The following UBL3 variants were observed in gnomAD, a reference collection of about 807,000 sequenced individuals.
The protein encoded by UBL3 is ubiquitin like 3.
Under a neutral mutation model 18.4 loss-of-function variants are expected in UBL3, and 6 were observed. The observed-to-expected ratio is 0.33, with a 90% CI of 0.18 to 0.64. The LOEUF (loss-of-function observed/expected upper bound fraction) is 0.64, where lower values mean the gene tolerates loss of function less well. Among genes scored for constraint, UBL3 ranks in the 30% least tolerant of loss-of-function variants. The probability of loss-of-function intolerance (pLI) is 0.76; values close to 1 mark genes in which losing one functional copy is unlikely to be tolerated. For missense variants in UBL3, 109 were observed against 142.9 expected (o/e 0.76, Z 1.21); for synonymous variants, 49 against 46.6 (o/e 1.05, Z -0.21).
At chr13:29,819,379 T>A (rs1000750032) in intron 1 of UBL3, among the ~76,000 whole-genome samples, 5 of 152,158 alleles carry the variant, frequency 3.3e-5, no homozygotes, top group Admixed American at 6.5e-5. Context: ...GCTATCCATA[T>A]CAGAAATCCT....
In UBL3 at chr13:29,849,920, A is replaced by C. The variant is rs535574266; in HGVS notation, c.-382T>G. On this transcript the variant is annotated 5_prime_UTR_variant, in exon 1 of 5. In the 5' UTR this introduces an upstream ATG that the reference lacks. Transcript: ENST00000380680. Reference sequence around the variant, plus strand: ...GCCTTCCTCCTTTCCCAGCCCCGGCAATGATTCACACTTGCTCCCGAGTCA... The same window carrying C: ...GCCTTCCTCCTTTCCCAGCCCCGGCCATGATTCACACTTGCTCCCGAGTCA... 1.7e-4 allele frequency: 64 copies of C among 369,458 alleles called. No homozygotes were observed. Among genetic ancestry groups the C allele is most frequent in the African/African-American group, 1.2e-3 (59 of 47,996 alleles). 22.9% of individuals were successfully genotyped at this position (369,458 alleles called of 1,614,324 possible).
chr13:29,834,771 T>G (rs544325843), intron 1 of UBL3, among the ~76,000 whole-genome samples: 20 of 151,976 alleles, frequency 1.3e-4, no homozygotes, highest in Non-Finnish European at 2.8e-4. Flanking sequence ...TGAAGAATGG[T>G]CAAAAAGTTA....
intron 1 of UBL3, among the ~76,000 whole-genome samples, chr13:29,847,639 T>C (rs1025625018): frequency 2.6e-5 from 4 of 152,196 alleles, no homozygotes; most frequent in African/African-American, 7.2e-5. Context: ...TAATAACACA[T>C]CTATTTCATT....
At position 29,793,474 on chromosome 13, in the gene UBL3, T is replaced by C. The variant is rs569665720; in HGVS notation, c.28-16211A>G. ...AAGACAAGATAGAATTCCAAATAAATTGGTATAGGTATGGCAACCCTTTGA... is the reference window on the plus strand; with the variant it reads ...AAGACAAGATAGAATTCCAAATAAACTGGTATAGGTATGGCAACCCTTTGA... On this transcript the variant is annotated intron_variant, in intron 1 of 4. Coordinates refer to ENST00000380680, the MANE Select transcript of UBL3 (RefSeq NM_007106.4). Among the ~76,000 whole-genome samples the C allele has an allele frequency of 9.2e-5, 14 of 152,324 alleles. No homozygotes were observed. In the East Asian group the frequency reaches 2.5e-3, roughly 27 times the overall value.
At chr13:29,809,321 T>C (rs1565995825) in intron 1 of UBL3, among the ~76,000 whole-genome samples, 1 of 152,104 alleles carries the variant, frequency 6.6e-6, no homozygotes, top group African/African-American at 2.4e-5. Context: ...TAGAACAGTT[T>C]AGGCAGTGGG....
At chr13:29,769,799 C>T (rs540908331) in intron 3 of UBL3, among the ~76,000 whole-genome samples, 2 of 152,140 alleles carry the variant, frequency 1.3e-5, no homozygotes, top group South Asian at 2.1e-4. Context: ...TGTTTTAAGA[C>T]ATTTGATAAC....
chr13:29,834,762 G>A (rs1212920829), intron 1 of UBL3, among the ~76,000 whole-genome samples: 1 of 151,942 alleles, frequency 6.6e-6, no homozygotes, highest in African/African-American at 2.4e-5. Context: ...ATGACAAAGT[G>A]AAGAATGGTC....
At chr13:29,772,054 A>G in intron 3 of UBL3, 58 bp downstream of exon 3, 2 of 1,429,292 alleles carry the variant, frequency 1.4e-6, no homozygotes, top group Non-Finnish European at 1.9e-6. Context: ...CATTTAAAAC[A>G]AGCGAATCAT....
chr13:29,800,452 AT>A (rs1877731483), intron 1 of UBL3, among the ~76,000 whole-genome samples: 1 of 152,354 alleles, frequency 6.6e-6, no homozygotes, highest in Non-Finnish European at 1.5e-5. Flanking sequence ...GCTGTAAAAA[AT>A]ATTCCCTCTT....
intron 1 of UBL3, among the ~76,000 whole-genome samples, chr13:29,817,037 T>G (rs768688718): frequency 3.1e-4 from 47 of 152,198 alleles, no homozygotes; most frequent in Non-Finnish European, 6.0e-4. Context: ...ACCATGGCAG[T>G]GCTGCCATGC....
chr13:29,829,337 C>A (rs1387416820), intron 1 of UBL3, among the ~76,000 whole-genome samples: 1 of 152,216 alleles, frequency 6.6e-6, no homozygotes, highest in Non-Finnish European at 1.5e-5. Flanking sequence ...TGGGCTCCAG[C>A]CAGTTCAAGC....
At chr13:29,824,766 C>T (rs1166487182) in intron 1 of UBL3, among the ~76,000 whole-genome samples, 2 of 152,190 alleles carry the variant, frequency 1.3e-5, no homozygotes, top group Admixed American at 1.3e-4. Context: ...GTGTTTTAGA[C>T]ATGAAGTCCT....
At chr13:29,820,487 G>T (rs9551746) in intron 1 of UBL3, among the ~76,000 whole-genome samples, 8,850 of 152,088 alleles carry the variant, frequency 0.058, 367 homozygotes, top group East Asian at 0.17. Flanking sequence ...GAAGTCCTCA[G>T]ACTTTTTATA....
intron 1 of UBL3, among the ~76,000 whole-genome samples, chr13:29,837,945 T>G (rs1879000504): frequency 2.0e-5 from 3 of 149,684 alleles, no homozygotes; most frequent in Admixed American, 6.7e-5. Context: ...ATAATAATAA[T>G]TTTAGCTAAT....
intron 1 of UBL3, among the ~76,000 whole-genome samples, chr13:29,840,771 T>G (rs1190737020): frequency 6.6e-6 from 1 of 152,174 alleles, no homozygotes; most frequent in Non-Finnish European, 1.5e-5. Context: ...GGCACAGAGA[T>G]ATGTTTAAGA....
In UBL3 at chr13:29,842,672, C is replaced by T. The variant is rs1486718393; in HGVS notation, c.27+6840G>A. Among the ~76,000 whole-genome samples, 3 of 152,184 alleles carry T rather than the reference C, an allele frequency of 2.0e-5. No individual in the cohort carries two copies. In the East Asian group the frequency reaches 5.8e-4, roughly 29 times the overall value. On this transcript the variant is annotated intron_variant, in intron 1 of 4. Coordinates refer to ENST00000380680, the MANE Select transcript of UBL3 (RefSeq NM_007106.4). ...TATAATGTAAAATGCCAAGCATCTG[C>T]CTGGTACTAGAAAGTACACAACAAA...
chr13:29,794,527 A>G (rs749060680), intron 1 of UBL3, among the ~76,000 whole-genome samples: 4 of 152,228 alleles, frequency 2.6e-5, no homozygotes, highest in African/African-American at 7.2e-5. Context: ...CTGGTAGCAG[A>G]TATGATTTTA....
intron 1 of UBL3, among the ~76,000 whole-genome samples, chr13:29,813,870 A>G (rs1878184230): frequency 6.6e-6 from 1 of 152,066 alleles, no homozygotes; most frequent in East Asian, 1.9e-4. Context: ...CACCACCACA[A>G]TATTCTCATA....
chr13:29,784,631 T>C (rs1422086031), intron 1 of UBL3, among the ~76,000 whole-genome samples: 1 of 151,678 alleles, frequency 6.6e-6, no homozygotes, highest in African/African-American at 2.4e-5. Flanking sequence ...ACATACTATA[T>C]GATCCCACTT....
Sources: gnomAD v4.1 joint callset for allele counts (sites outside exome capture counted in the v4.1 genomes callset) on GRCh38, gnomAD v4.1.1 for gene constraint, MANE v1.5 for transcripts, NCBI Gene and HGNC (gene_info 2026-07-23, HGNC 2026-07-21) for gene names.